IPO11: variants seen among roughly 807,000 people sequenced by gnomAD.
IPO11 encodes importin-11.
IPO11 carries 66 observed loss-of-function variants against 143.2 expected under a neutral mutation model. The observed-to-expected ratio is 0.46, with a 90% CI of 0.38 to 0.57. The LOEUF (loss-of-function observed/expected upper bound fraction) is 0.57. IPO11 is among the 20% of genes least tolerant of loss of function. The pLI is 0.00. For synonymous variants in IPO11, 385 were observed against 377.8 expected (o/e 1.02, Z -0.22); for missense variants, 1,026 against 1,141.0 (o/e 0.90, Z 1.45).
At chr5:62,573,339 T>G (rs1398130394) in intron 27 of IPO11, among the ~76,000 whole-genome samples, 1 of 152,222 alleles carries the variant, frequency 6.6e-6, no homozygotes, top group African/African-American at 2.4e-5. Context: ...AAGCACTCTA[T>G]CAATAAATAG....
At chr5:62,599,538 A>C (rs1039090045) in intron 28 of IPO11, among the ~76,000 whole-genome samples, 1 of 152,238 alleles carries the variant, frequency 6.6e-6, no homozygotes, top group Admixed American at 6.5e-5. Flanking sequence ...GTATTACTAC[A>C]AGTACCTTTA....
intron 29 of IPO11, among the ~76,000 whole-genome samples, chr5:62,606,209 G>A (rs1462752180): frequency 6.6e-6 from 1 of 151,858 alleles, no homozygotes; most frequent in East Asian, 1.9e-4. Flanking sequence ...GGCCAGGCGT[G>A]GTGGCTTATG....
rs149452341 is a variant in IPO11, at chr5:62,494,961, G to T, written c.1590+837G>T. 2.2e-4 allele frequency among the ~76,000 whole-genome samples: 34 copies of T among 151,964 alleles called. 1 individual carries two copies. In the East Asian group the frequency reaches 6.2e-3, roughly 28 times the overall value. On this transcript the variant is annotated intron_variant, in intron 16 of 29. Transcript: ENST00000325324. The stretch of plus-strand genomic sequence containing the variant: ...GTTTGAACCCACCTGGTTTTTGCCT[G>T]TCAGCAGAGGTTTGGACTGTACTTC...
At chr5:62,550,508 T>A in intron 25 of IPO11, 46 bp downstream of exon 25, 2 of 1,281,062 alleles carry the variant, frequency 1.6e-6, no homozygotes, top group Middle Eastern at 2.4e-4. Flanking sequence ...GACTATAGGA[T>A]TCTAGTTTTA....
chr5:62,515,707 A>G (rs997748366), intron 20 of IPO11, among the ~76,000 whole-genome samples: 2 of 152,148 alleles, frequency 1.3e-5, no homozygotes, highest in South Asian at 2.1e-4. Context: ...GATGTAAAAA[A>G]TATTATTCAC....
At chr5:62,615,182 G>A (rs542202833) in intron 29 of IPO11, among the ~76,000 whole-genome samples, 4 of 152,246 alleles carry the variant, frequency 2.6e-5, no homozygotes, top group South Asian at 4.1e-4. Context: ...TTAGGGCCTC[G>A]AGTTTCCAGG....
chr5:62,557,680 T>G (rs1227970214), intron 26 of IPO11, among the ~76,000 whole-genome samples: 1 of 152,258 alleles, frequency 6.6e-6, no homozygotes, highest in African/African-American at 2.4e-5. Flanking sequence ...CTATATTGTT[T>G]TTATATCCAC....
intron 16 of IPO11, among the ~76,000 whole-genome samples, chr5:62,496,334 C>T (rs1220535099): frequency 1.3e-5 from 2 of 151,822 alleles, no homozygotes; most frequent in African/African-American, 4.8e-5. Flanking sequence ...TATGACTAGC[C>T]CACATGACTA....
intron 29 of IPO11, among the ~76,000 whole-genome samples, chr5:62,613,572 G>A (rs147135422): frequency 8.7e-4 from 132 of 151,900 alleles, no homozygotes; most frequent in African/African-American, 3.1e-3. Flanking sequence ...CAAAGTACTG[G>A]GATTACAGGT....
intron 9 of IPO11, among the ~76,000 whole-genome samples, chr5:62,477,023 C>T (rs951317269): frequency 2.0e-5 from 3 of 152,052 alleles, no homozygotes; most frequent in Non-Finnish European, 4.4e-5. Context: ...CTCTAAAGCT[C>T]ATTATTCTTT....
chr5:62,549,986 T>C (rs1368118705), intron 24 of IPO11, among the ~76,000 whole-genome samples: 1 of 152,222 alleles, frequency 6.6e-6, no homozygotes, highest in Non-Finnish European at 1.5e-5. Flanking sequence ...CCTGTTTAGC[T>C]ATCAAAAAGC....
At position 62,474,342 on chromosome 5, in the gene IPO11, G is replaced by T; in HGVS notation, c.709-74G>T. ...TAAGTGATGTGATAGATTTGTTTTG[G>T]TATCCCTGAAAAAGATACAAGGTAA... On this transcript the variant is annotated intron_variant, in intron 7 of 29. Transcript: ENST00000325324. 5 of 882,224 alleles carry T rather than the reference G, an allele frequency of 5.7e-6. No individual in the cohort carries two copies. The South Asian group carries it at 5.9e-5, about 10-fold the overall frequency. 54.6% of individuals were successfully genotyped at this position (882,224 alleles called of 1,614,324 possible).
chr5:62,491,892 G>A (rs1561333083), intron 15 of IPO11, among the ~76,000 whole-genome samples: 1 of 151,826 alleles, frequency 6.6e-6, no homozygotes, highest in African/African-American at 2.4e-5. Flanking sequence ...GGATGATCTC[G>A]ATCTCCTGAC....
chr5:62,477,468 G>A (rs553128521), intron 9 of IPO11, among the ~76,000 whole-genome samples: 31 of 152,252 alleles, frequency 2.0e-4, no homozygotes, highest in Non-Finnish European at 3.7e-4. Context: ...TTTTATCTTT[G>A]TGTTTTAGGT....
chr5:62,572,016 C>T (rs888054519), intron 27 of IPO11, among the ~76,000 whole-genome samples: 2 of 152,118 alleles, frequency 1.3e-5, no homozygotes, highest in African/African-American at 4.8e-5. Context: ...GTAATCAAGA[C>T]TAATAAAGGC....
intron 3 of IPO11, among the ~76,000 whole-genome samples, chr5:62,443,703 T>C (rs931068053): frequency 2.0e-5 from 3 of 151,952 alleles, no homozygotes; most frequent in Non-Finnish European, 4.4e-5. Flanking sequence ...AATTTCTGAG[T>C]CTTATGCATT....
intron 9 of IPO11, among the ~76,000 whole-genome samples, chr5:62,478,393 CT>C (rs1746044809): frequency 5.3e-5 from 8 of 152,248 alleles, no homozygotes; most frequent in Middle Eastern, 3.4e-3. Flanking sequence ...TCTCGAACTT[CT>C]GGGCTCAAGT....
chr5:62,544,270 T>A (rs1308250726), intron 24 of IPO11, among the ~76,000 whole-genome samples: 2 of 152,076 alleles, frequency 1.3e-5, no homozygotes, highest in Non-Finnish European at 2.9e-5. Context: ...CAAGTGGGCT[T>A]CATCCCCGAG....
intron 27 of IPO11, among the ~76,000 whole-genome samples, chr5:62,565,588 G>T (rs957546522): frequency 3.9e-5 from 6 of 152,026 alleles, no homozygotes; most frequent in Admixed American, 6.6e-5. Context: ...CCCACATTTT[G>T]ATTTTTTGAT....
Sources: allele counts gnomAD v4.1 joint callset (sites outside exome capture counted in the v4.1 genomes callset), GRCh38; gene constraint gnomAD v4.1.1; transcripts MANE v1.5; gene names NCBI Gene and HGNC (gene_info 2026-07-23, HGNC 2026-07-21).